The following POLDIP3 variants were observed in gnomAD, a reference collection of about 807,000 sequenced individuals.
POLDIP3 encodes the protein polymerase delta-interacting protein 3.
A neutral mutation model predicts 45.1 loss-of-function variants in POLDIP3; 14 were observed. The ratio of observed to expected loss-of-function variants is 0.31; its 90% CI spans 0.20 to 0.49. POLDIP3 has a LOEUF of 0.49. Among genes scored for constraint, POLDIP3 ranks in the 20% least tolerant of loss-of-function variants. The pLI, the probability that POLDIP3 is intolerant of heterozygous loss-of-function variation, is 0.99. For missense variants in POLDIP3, 511 were observed against 538.8 expected (o/e 0.95, Z 0.51); for synonymous variants, 223 against 205.2 (o/e 1.09, Z -0.74).
intron 6 of POLDIP3, among the ~76,000 whole-genome samples, chr22:42,594,193 G>A (rs769440743): frequency 6.6e-6 from 1 of 151,612 alleles, no homozygotes; most frequent in Non-Finnish European, 1.5e-5. Context: ...CCCAGGAGGC[G>A]GAAGTTGCAG....
At chr22:42,589,412 G>A (rs1925529606) in intron 7 of POLDIP3, among the ~76,000 whole-genome samples, 1 of 152,084 alleles carries the variant, frequency 6.6e-6, no homozygotes, top group Admixed American at 6.6e-5. Flanking sequence ...TGACTGAAGG[G>A]TCAATTCATC....
rs181545890 is a variant in POLDIP3, at chr22:42,585,789, G to A, written c.*2C>T. On this transcript the variant is annotated 3_prime_UTR_variant, in exon 9 of 9. Coordinates refer to ENST00000252115, the MANE Select transcript of POLDIP3 (RefSeq NM_032311.5). The stretch of plus-strand genomic sequence containing the variant: ...CCACTTCTGGCTGCCTCACTCCCCT[G>A]CTCAAAGCTTGATTTTGAATTCTGT... The A allele has an allele frequency of 4.8e-4, 773 of 1,610,792 alleles. 6 individuals carry two copies. Among genetic ancestry groups the A allele is most frequent in the Middle Eastern group, 2.2e-4 (1 of 4,610 alleles).
intron 6 of POLDIP3, among the ~76,000 whole-genome samples, chr22:42,592,677 C>T (rs953963197): frequency 2.6e-5 from 4 of 152,228 alleles, no homozygotes; most frequent in African/African-American, 9.6e-5. Flanking sequence ...TTCTCTGAGC[C>T]TGTTTCCTCC....
intron 8 of POLDIP3, among the ~76,000 whole-genome samples, chr22:42,587,124 C>T (rs1925360921): frequency 6.6e-6 from 1 of 152,000 alleles, no homozygotes; most frequent in Admixed American, 6.6e-5. Context: ...AACAAAAAAC[C>T]TCACTGGGGA....
intron 1 of POLDIP3, among the ~76,000 whole-genome samples, chr22:42,604,408 C>A (rs1841870953): frequency 6.6e-6 from 1 of 152,158 alleles, no homozygotes; most frequent in African/African-American, 2.4e-5. Context: ...CTGTCCAGAT[C>A]CCACCCTAGA....
chr22:42,600,422 C>A (rs530377252), intron 3 of POLDIP3, among the ~76,000 whole-genome samples: 3 of 150,386 alleles, frequency 2.0e-5, no homozygotes, highest in Non-Finnish European at 4.4e-5. Context: ...GTCAGGAGAT[C>A]GAGATCATCC....
Position 42,592,509 on chromosome 22 carries a change from C to G in POLDIP3, c.892-425G>C, listed in dbSNP as rs151096119. Reference sequence around the variant, plus strand: ...AGTTCTACCCAGAGTCCTGGTTTGGCTGGACTGAAGGGTTTCCCTGGACAT... The same window carrying G: ...AGTTCTACCCAGAGTCCTGGTTTGGGTGGACTGAAGGGTTTCCCTGGACAT... On this transcript the variant is annotated intron_variant, in intron 6 of 8. Coordinates refer to ENST00000252115, the MANE Select transcript of POLDIP3 (RefSeq NM_032311.5). Among the ~76,000 whole-genome samples, 1,036 of 152,334 alleles carry G rather than the reference C, an allele frequency of 6.8e-3. 24 individuals carry two copies. Among genetic ancestry groups the G allele is most frequent in the Admixed American group, 0.048 (729 of 15,300 alleles).
intron 1 of POLDIP3, among the ~76,000 whole-genome samples, chr22:42,608,139 G>T (rs1926883280): frequency 6.6e-6 from 1 of 152,242 alleles, no homozygotes. Context: ...GTGGGGAAAA[G>T]AGAGATCAGA....
chr22:42,600,364 A>G (rs1321582650), intron 3 of POLDIP3, among the ~76,000 whole-genome samples: 2 of 151,934 alleles, frequency 1.3e-5, no homozygotes, highest in African/African-American at 2.4e-5. Context: ...CAGTGGCTCA[A>G]GCCTGTCATC....
intron 7 of POLDIP3, 136 bp downstream of exon 7, chr22:42,591,819 C>T (rs913239884): frequency 7.7e-6 from 9 of 1,176,392 alleles, no homozygotes; most frequent in African/African-American, 3.1e-5. Flanking sequence ...AGAGACTGCA[C>T]GGCAGTTCCT....
chr22:42,592,339 C>G (rs1309550122), intron 6 of POLDIP3, among the ~76,000 whole-genome samples: 1 of 152,244 alleles, frequency 6.6e-6, no homozygotes, highest in Non-Finnish European at 1.5e-5. Flanking sequence ...AGCAAGCCAC[C>G]ACCAAAGTCT....
chr22:42,588,227 G>A lies in POLDIP3; in HGVS notation c.1022-655C>T, dbSNP rs541107581. 3.5e-3 allele frequency among the ~76,000 whole-genome samples: 531 copies of A among 152,216 alleles called. 2 individuals are homozygous for A. The highest frequency in any genetic ancestry group is 7.8e-3 in the Admixed American group (119 of 15,284). The stretch of plus-strand genomic sequence containing the variant: ...TCCCAGCACTTTGAGAGGCTGAGGC[G>A]GGTGGATCACGAAGTCAGGAGATCG... On this transcript the variant is annotated intron_variant, in intron 7 of 8. Coordinates refer to ENST00000252115, the MANE Select transcript of POLDIP3 (RefSeq NM_032311.5).
chr22:42,585,384 G>C lies in POLDIP3; in HGVS notation c.*407C>G. On this transcript the variant is annotated 3_prime_UTR_variant, in exon 9 of 9. Coordinates refer to ENST00000252115, the MANE Select transcript of POLDIP3 (RefSeq NM_032311.5). ...GTTTGAAAAGCTTAATACACACAAA[G>C]GAAAGGCAGCCCCTCGGCCCCTGGA... 2.5e-6 allele frequency: 1 copy of C among 393,968 alleles called. No homozygotes were observed. Among genetic ancestry groups the C allele is most frequent in the South Asian group, 1.8e-5 (1 of 55,634 alleles). 24.4% of individuals were successfully genotyped at this position (393,968 alleles called of 1,614,324 possible).
At chr22:42,611,299 C>G (rs1323767051) in intron 1 of POLDIP3, among the ~76,000 whole-genome samples, 1 of 152,216 alleles carries the variant, frequency 6.6e-6, no homozygotes, top group Non-Finnish European at 1.5e-5. Context: ...CAGTTACAGG[C>G]ATGAGCAACC....
intron 1 of POLDIP3, among the ~76,000 whole-genome samples, chr22:42,612,917 C>T (rs915453136): frequency 5.3e-5 from 8 of 152,220 alleles, no homozygotes; most frequent in Admixed American, 3.9e-4. Flanking sequence ...GTTCAGAACT[C>T]CCCTGGCCAG....
At chr22:42,608,635 G>C (rs752320853) in intron 1 of POLDIP3, among the ~76,000 whole-genome samples, 1 of 152,104 alleles carries the variant, frequency 6.6e-6, no homozygotes, top group African/African-American at 2.4e-5. Context: ...ACTCTCTAGC[G>C]ACCAAAGGGT....
chr22:42,592,306 C>A (rs943968566), intron 6 of POLDIP3, among the ~76,000 whole-genome samples: 1 of 152,250 alleles, frequency 6.6e-6, no homozygotes, highest in African/African-American at 2.4e-5. Flanking sequence ...GGTTTACAAG[C>A]CTTGGATCAC....
chr22:42,590,987 C>T (rs1925630368), intron 7 of POLDIP3, among the ~76,000 whole-genome samples: 1 of 151,790 alleles, frequency 6.6e-6, no homozygotes. Context: ...GGCAGGAAAG[C>T]CGCTTGAACC....
intron 4 of POLDIP3, 95 bp downstream of exon 4, chr22:42,599,603 G>GT: frequency 1.1e-6 from 1 of 931,352 alleles, no homozygotes; most frequent in Non-Finnish European, 1.7e-6. Flanking sequence ...GCGAGATGTC[G>GT]TCTCAAAACA....
Sources: gnomAD v4.1 joint callset for allele counts (sites outside exome capture counted in the v4.1 genomes callset) on GRCh38, gnomAD v4.1.1 for gene constraint, MANE v1.5 for transcripts, NCBI Gene and HGNC (gene_info 2026-07-23, HGNC 2026-07-21) for gene names.